Variants in ZNF41 observed in about 807,000 individuals in gnomAD.
The protein encoded by ZNF41 is zinc finger protein 41.
ZNF41 carries 6 observed loss-of-function variants against 9.3 expected under a neutral mutation model. The ratio of observed to expected loss-of-function variants is 0.65; its 90% CI spans 0.35 to 1.28. ZNF41 has a LOEUF of 1.28. ZNF41 is among the 50% of genes most tolerant of loss of function. The pLI, the probability that ZNF41 is intolerant of heterozygous loss-of-function variation, is 0.03. For synonymous variants in ZNF41, 192 were observed against 207.1 expected (o/e 0.93, Z 0.63); for missense variants, 523 against 585.8 (o/e 0.89, Z 1.11).
chrX:47,482,851 G>A (rs2147877045), intron 1 of ZNF41: 1 of 113,222 alleles, frequency 8.8e-6, no homozygotes, highest in South Asian at 3.6e-4. Context: ...GCCTCTAGGA[G>A]TTAGTCACCT....
At chrX:47,479,063 G>A (rs987085683) in intron 1 of ZNF41, among the ~76,000 whole-genome samples, 1 of 111,518 alleles carries the variant, frequency 9.0e-6, no homozygotes, top group African/African-American at 3.3e-5. Flanking sequence ...GTGAGGGTTG[G>A]GAATGAGGAA....
chrX:47,462,960 C>T (rs2067125097), intron 2 of ZNF41, among the ~76,000 whole-genome samples: 1 of 105,057 alleles, frequency 9.5e-6, no homozygotes, highest in Non-Finnish European at 1.9e-5. Context: ...CACACACACA[C>T]ACACACATAT....
chrX:47,470,344 G>A (rs2057147416), intron 1 of ZNF41, among the ~76,000 whole-genome samples: 2 of 105,155 alleles, frequency 1.9e-5, no homozygotes, highest in African/African-American at 7.0e-5. Context: ...CCCAGGAGGC[G>A]GAGGTTGCAG....
intron 4 of ZNF41, among the ~76,000 whole-genome samples, chrX:47,453,855 T>C (rs746694373): frequency 4.5e-5 from 5 of 111,604 alleles, no homozygotes; most frequent in African/African-American, 1.6e-4. Context: ...GCAGATCACT[T>C]GAGGTCAGGA....
At chrX:47,473,287 C>T (rs2057246182) in intron 1 of ZNF41, among the ~76,000 whole-genome samples, 1 of 111,616 alleles carries the variant, frequency 9.0e-6, no homozygotes, top group African/African-American at 3.3e-5. Flanking sequence ...GCTAAATATG[C>T]ACAATGTGTG....
chrX:47,452,169 T>C (rs773053651), intron 4 of ZNF41, among the ~76,000 whole-genome samples: 64 of 110,578 alleles, frequency 5.8e-4, no homozygotes, highest in Admixed American at 2.0e-3. Flanking sequence ...AACATCTGGC[T>C]CCTGACGCAC....
At chrX:47,462,161 C>A (rs192122979) in intron 2 of ZNF41, among the ~76,000 whole-genome samples, 2 of 111,770 alleles carry the variant, frequency 1.8e-5, no homozygotes, top group East Asian at 5.6e-4. Context: ...CCCACCATGC[C>A]CAGCTAATTT....
intron 1 of ZNF41, among the ~76,000 whole-genome samples, chrX:47,481,786 CAG>C (rs2057479738): frequency 8.9e-6 from 1 of 111,929 alleles, no homozygotes; most frequent in African/African-American, 3.2e-5. Flanking sequence ...GCATTAAATT[CAG>C]GACTTTAAAA....
At chrX:47,456,496 A>G (rs1344704050) in intron 2 of ZNF41, 98 bp from the exon 3 acceptor site, 1 of 1,133,851 alleles carries the variant, frequency 8.8e-7, no homozygotes, top group Non-Finnish European at 1.2e-6. Flanking sequence ...ACCATAATGT[A>G]TCATGTAGGG....
At position 47,446,524 on chromosome X, in the gene ZNF41, G is replaced by A. The variant is rs1296048693; in HGVS notation, c.*906C>T. ...GGTTAGCCTGAAAATCTAGAGTGCCGTGGATCAGTTCCATTGTCGTAGGGT... is the reference window on the plus strand; with the variant it reads ...GGTTAGCCTGAAAATCTAGAGTGCCATGGATCAGTTCCATTGTCGTAGGGT... On this transcript the variant is annotated 3_prime_UTR_variant, in exon 5 of 5. Coordinates refer to ENST00000684689, the MANE Select transcript of ZNF41 (RefSeq NM_001324144.2). 2.7e-5 allele frequency: 3 copies of A among 110,002 alleles called. No homozygotes were observed. The highest frequency in any genetic ancestry group is 6.6e-5 in the African/African-American group (2 of 30,303). 9.1% of individuals were successfully genotyped at this position (110,002 alleles called of 1,213,427 possible).
intron 1 of ZNF41, among the ~76,000 whole-genome samples, chrX:47,470,619 C>T (rs1481830521): frequency 9.5e-6 from 1 of 105,111 alleles, no homozygotes; most frequent in African/African-American, 3.5e-5. Context: ...CCCAGCTACT[C>T]GGGAGGCTAA....
At chrX:47,452,542 C>G (rs1295325445) in intron 4 of ZNF41, among the ~76,000 whole-genome samples, 1 of 111,622 alleles carries the variant, frequency 9.0e-6, no homozygotes, top group African/African-American at 3.3e-5. Flanking sequence ...AAGTAGGGAG[C>G]CTCTTCCTTG....
intron 1 of ZNF41, among the ~76,000 whole-genome samples, chrX:47,480,413 A>G (rs1054109660): frequency 6.3e-5 from 7 of 111,321 alleles, no homozygotes; most frequent in African/African-American, 2.3e-4. Flanking sequence ...ACCAAAATAA[A>G]TTCCAGTTAG....
chrX:47,472,851 T>C (rs111274624), intron 1 of ZNF41, among the ~76,000 whole-genome samples: 30,236 of 108,004 alleles, frequency 0.28, 3,282 homozygotes, highest in South Asian at 0.41. Flanking sequence ...GCCTCCTGAG[T>C]AGCTGGGATT....
intron 1 of ZNF41, among the ~76,000 whole-genome samples, chrX:47,470,881 C>T (rs896308133): frequency 1.2e-4 from 13 of 111,183 alleles, no homozygotes; most frequent in Non-Finnish European, 2.3e-4. Flanking sequence ...GGCTAAAAAA[C>T]AAAATATAGT....
chrX:47,447,732 T>C lies in ZNF41; in HGVS notation c.2038A>G (p.Thr680Ala), dbSNP rs762061687. The C allele has an allele frequency of 2.5e-6, 3 of 1,211,576 alleles. No individual in the cohort carries two copies. The highest frequency in any genetic ancestry group is 3.4e-6 in the Non-Finnish European group (3 of 895,456). The change falls in exon 5 of 5, where the codon ACA becomes GCA. Residue 680 changes from threonine (T) to alanine (A), a missense_variant. By Grantham distance (58) the Thr-to-Ala change is moderately conservative (BLOSUM62 0). Transcript: ENST00000684689. ...KAFTDRSNLI[T>A]HQKIHTREKP... ...TCCCTAGTGTGGATTTTCTGATGTG[T>C]TATGAGATTTGATCGGTCAGTGAAG...
At chrX:47,453,398 G>A (rs1357884726) in intron 4 of ZNF41, among the ~76,000 whole-genome samples, 1 of 112,422 alleles carries the variant, frequency 8.9e-6, no homozygotes, top group Non-Finnish European at 1.9e-5. Context: ...TGTGAGACAG[G>A]TGAGAACTGA....
intron 2 of ZNF41, among the ~76,000 whole-genome samples, chrX:47,458,638 A>T (rs894173404): frequency 1.3e-4 from 15 of 111,387 alleles, no homozygotes; most frequent in Non-Finnish European, 1.3e-4. Flanking sequence ...TAAGGCGTTT[A>T]AAAAAAATTA....
chrX:47,466,256 T>C (rs1443218389), intron 2 of ZNF41, among the ~76,000 whole-genome samples: 2 of 111,483 alleles, frequency 1.8e-5, no homozygotes, highest in African/African-American at 6.5e-5. Flanking sequence ...CCTGAGTCCC[T>C]GAGATAATGA....
Sources: gnomAD v4.1 joint callset for allele counts (sites outside exome capture counted in the v4.1 genomes callset) on GRCh38, gnomAD v4.1.1 for gene constraint, MANE v1.5 for transcripts, NCBI Gene and HGNC (gene_info 2026-07-23, HGNC 2026-07-21) for gene names.